Variants in CCAR1 observed in about 807,000 individuals in gnomAD.
CCAR1 encodes cell division cycle and apoptosis regulator 1, also known as cell division cycle and apoptosis regulator protein 1.
CCAR1 carries 78 observed loss-of-function variants against 163.8 expected under a neutral mutation model. That is an observed-to-expected ratio of 0.48 (90% CI 0.40 to 0.57). The LOEUF (loss-of-function observed/expected upper bound fraction) is 0.57. Ranked by LOEUF, CCAR1 falls within the 20% of genes least tolerant of loss-of-function variation. The pLI is 0.00. For missense variants in CCAR1, 1,019 were observed against 1,365.2 expected, an observed-to-expected ratio of 0.75 and a Z score of 4.00; for synonymous variants, 443 against 460.7, an observed-to-expected ratio of 0.96 and a Z score of 0.49.
chr10:68,754,100 C>G, intron 11 of CCAR1, 23 bp downstream of exon 11: 1 of 1,474,466 alleles, frequency 6.8e-7, no homozygotes, highest in Admixed American at 1.8e-5. Flanking sequence ...CTGTGATATG[C>G]AGCTTAAATT....
intron 3 of CCAR1, 71 bp downstream of exon 3, chr10:68,737,119 C>A: frequency 1.0e-6 from 1 of 980,334 alleles, no homozygotes; most frequent in Non-Finnish European, 1.5e-6. Context: ...GCATTGCTAC[C>A]TTCATTTTAC....
Position 68,780,942 on chromosome 10 carries a change from G to T in CCAR1, c.2651-5194G>T, listed in dbSNP as rs542734816. Among the ~76,000 whole-genome samples, 177 of 152,160 alleles carry T rather than the reference G, an allele frequency of 1.2e-3. 1 individual carries two copies. Among genetic ancestry groups the T allele is most frequent in the African/African-American group, 4.0e-3 (166 of 41,526 alleles). On this transcript the variant is annotated intron_variant, in intron 19 of 24. Transcript: ENST00000265872. ...CCCTGAGACAAAACATTGAAATTAG[G>T]CCAATTGTGCCAGGCACGGTGGCTC...
intron 1 of CCAR1, 62 bp from the exon 2 acceptor site, chr10:68,722,393 A>G: frequency 3.6e-6 from 3 of 843,588 alleles, no homozygotes; most frequent in South Asian, 1.3e-5. Context: ...TTCTATTGTA[A>G]TATCCTTTTG....
chr10:68,766,003 A>G lies in CCAR1; in HGVS notation c.2222A>G (p.Lys741Arg). 6.2e-7 allele frequency: 1 copy of G among 1,614,014 alleles called. No individual in the cohort carries two copies. The highest frequency in any genetic ancestry group is 1.1e-5 in the South Asian group (1 of 91,090). Residue 741 changes from lysine to arginine, a missense_variant, in exon 17 of 25, where the codon AAG becomes AGG. By Grantham distance (26) the Lys-to-Arg change is conservative. This residue lies in a region of CCAR1 where 644 missense variants were observed against 904.4 expected (regional missense o/e 0.71). Coordinates refer to ENST00000265872, the MANE Select transcript of CCAR1 (RefSeq NM_018237.4). ...CCAAATTGGGCTGCAAAAAGTGGCA[A>G]GTTTGATTGTAGCATCATGTCTTTG... ...VHPNWAAKSG[K>R]FDCSIMSLSV...
chr10:68,784,745 T>C (rs1020505772), intron 19 of CCAR1, among the ~76,000 whole-genome samples: 5 of 152,072 alleles, frequency 3.3e-5, no homozygotes, highest in Admixed American at 2.6e-4. Flanking sequence ...AGAGACCGGG[T>C]CTCATTATGT....
chr10:68,753,593 A>G (rs2056362921), intron 10 of CCAR1, among the ~76,000 whole-genome samples: 1 of 152,176 alleles, frequency 6.6e-6, no homozygotes, highest in African/African-American at 2.4e-5. Context: ...GATTCAAGTT[A>G]TTTCAAAGCG....
At chr10:68,740,722 T>G in intron 5 of CCAR1, 61 bp downstream of exon 5, 5 of 1,302,770 alleles carry the variant, frequency 3.8e-6, no homozygotes, top group Non-Finnish European at 5.4e-6. Context: ...TAAAGCTTTA[T>G]TAGTATTCTA....
chr10:68,752,743 G>A (rs914546869), intron 10 of CCAR1, among the ~76,000 whole-genome samples: 6 of 152,080 alleles, frequency 3.9e-5, no homozygotes, highest in East Asian at 1.9e-4. Flanking sequence ...TAGTGCACCC[G>A]TAGTCCTAGC....
intron 6 of CCAR1, among the ~76,000 whole-genome samples, chr10:68,745,973 T>A (rs1339851771): frequency 1.3e-5 from 2 of 151,968 alleles, no homozygotes; most frequent in African/African-American, 4.8e-5. Flanking sequence ...TTAAATTTTT[T>A]ATTTATTTAT....
intron 15 of CCAR1, 44 bp downstream of exon 15, chr10:68,757,421 A>C (rs1287525667): frequency 8.7e-7 from 1 of 1,142,866 alleles, no homozygotes; most frequent in South Asian, 1.3e-5. Flanking sequence ...TTTCAATTAA[A>C]AAGTTCTTTC....
chr10:68,758,751 T>TA (rs1375424339), intron 15 of CCAR1, among the ~76,000 whole-genome samples: 1 of 151,380 alleles, frequency 6.6e-6, no homozygotes, highest in Non-Finnish European at 1.5e-5. Flanking sequence ...GGCACGATCT[T>TA]AACCTATGCC....
In CCAR1 at chr10:68,749,203, A is replaced by G. The variant is rs765793052; in HGVS notation, c.894A>G (p.Pro298=). Residue 298 remains proline (P), a synonymous_variant, in exon 9 of 25, where the codon CCA becomes CCG. Transcript: ENST00000265872. ...AACCGGCACGACGATTAGATCCCCC[A>G]TCCCGATTTTCAGGAAGAAATGACA... is the stretch of plus-strand genomic sequence containing the variant. ...QPQPARRLDP[P]SRFSGRNDRG... The G allele has an allele frequency of 1.2e-6, 2 of 1,613,404 alleles. No homozygotes were observed. The highest frequency in any genetic ancestry group is 1.7e-6 in the Non-Finnish European group (2 of 1,179,818).
At position 68,756,439 on chromosome 10, in the gene CCAR1, G is replaced by A. The variant is rs1238054581; in HGVS notation, c.1792G>A (p.Val598Ile). The A allele has an allele frequency of 6.2e-7, 1 of 1,613,614 alleles. No homozygotes were observed. The highest frequency in any genetic ancestry group is 1.6e-4 in the Middle Eastern group (1 of 6,062). ...TLSRGYKQQL[V>I]EKLQGERKEA... ...CTCCCGAGGATACAAGCAGCAGCTG[G>A]TCGAGAAGCTTCAGGGTGAACGCAA... The change falls in exon 14 of 25, where the codon GTC (valine) becomes ATC (isoleucine). Residue 598 changes from valine to isoleucine, a missense_variant. By Grantham distance (29) the Val-to-Ile change is conservative (BLOSUM62 3). This residue lies in a region of CCAR1 where 644 missense variants were observed against 904.4 expected (regional missense o/e 0.71). Transcript: ENST00000265872. The surrounding 1 kb of genome is among the most constrained non-coding windows in gnomAD (Gnocchi z 5.1).
chr10:68,745,280 A>G (rs1037815392), intron 6 of CCAR1, among the ~76,000 whole-genome samples: 1 of 152,080 alleles, frequency 6.6e-6, no homozygotes, highest in African/African-American at 2.4e-5. Flanking sequence ...TCCTGGGATT[A>G]CAGGCATGAG....
At chr10:68,742,330 T>A in intron 5 of CCAR1, 46 bp from the exon 6 acceptor site, 1 of 1,469,844 alleles carries the variant, frequency 6.8e-7, no homozygotes, top group Non-Finnish European at 9.2e-7. Flanking sequence ...AGTTTTTAGA[T>A]GATTTCAAAT....
intron 2 of CCAR1, among the ~76,000 whole-genome samples, chr10:68,722,830 G>A (rs974301080): frequency 6.6e-6 from 1 of 152,070 alleles, no homozygotes; most frequent in African/African-American, 2.4e-5. Context: ...GCTGAGGCAG[G>A]AGAATCCCTT....
chr10:68,783,503 T>C (rs187210820), intron 19 of CCAR1, among the ~76,000 whole-genome samples: 81 of 152,154 alleles, frequency 5.3e-4, no homozygotes, highest in African/African-American at 1.8e-3. Flanking sequence ...TTCTAGGATC[T>C]GGTCCAGCCC....
chr10:68,777,553 G>A (rs1202636926), intron 19 of CCAR1, among the ~76,000 whole-genome samples: 7 of 152,048 alleles, frequency 4.6e-5, no homozygotes, highest in East Asian at 1.9e-4. Flanking sequence ...GCATGGTGGC[G>A]CGCACCTGTA....
At chr10:68,783,633 G>T (rs1316471999) in intron 19 of CCAR1, among the ~76,000 whole-genome samples, 1 of 152,150 alleles carries the variant, frequency 6.6e-6, no homozygotes, top group Non-Finnish European at 1.5e-5. Flanking sequence ...ACTTTGAAGG[G>T]TTCAATAATT....
Sources: gnomAD v4.1 joint callset for allele counts (sites outside exome capture counted in the v4.1 genomes callset) on GRCh38, gnomAD v4.1.1 for gene constraint, gnomAD v4.1.1 regional missense constraint, Gnocchi (gnomAD v3.1) non-coding constraint, MANE v1.5 for transcripts, NCBI Gene and HGNC (gene_info 2026-07-23, HGNC 2026-07-21) for gene names.